The following SPEG variants were observed in gnomAD, a reference collection of about 807,000 sequenced individuals.
SPEG encodes the protein striated muscle enriched protein kinase, also known as striated muscle preferentially expressed protein kinase.
Under a neutral mutation model 300.4 loss-of-function variants are expected in SPEG, and 114 were observed. The ratio of observed to expected loss-of-function variants is 0.38; its 90% CI spans 0.33 to 0.44. The LOEUF (loss-of-function observed/expected upper bound fraction) is 0.44, where lower values mean the gene tolerates loss of function less well. Ranked by LOEUF, SPEG falls within the 20% of genes least tolerant of loss-of-function variation. The probability of loss-of-function intolerance (pLI) is 1.00; values close to 1 mark genes in which losing one functional copy is unlikely to be tolerated. For synonymous variants in SPEG, 1,964 were observed against 2,018.9 expected, an observed-to-expected ratio of 0.97 and a Z score of 0.73; for missense variants, 4,201 against 4,586.2, an observed-to-expected ratio of 0.92 and a Z score of 2.43.
In SPEG at chr2:219,435,120, C is replaced by T; in HGVS notation, c.143C>T (p.Pro48Leu). The T allele has an allele frequency of 3.4e-6, 5 of 1,457,216 alleles. No individual in the cohort carries two copies. Among genetic ancestry groups the T allele is most frequent in the Non-Finnish European group, 4.5e-6 (5 of 1,115,526 alleles). 90.3% of individuals were successfully genotyped at this position (1,457,216 alleles called of 1,614,324 possible). ...AVAGAPVFLR[P>L]LKNAAVCAGS... ...GCCGGGGCGCCAGTCTTCCTGCGGCCCCTGAAGAACGCGGCGGTGTGCGCG... is the reference window on the plus strand; with the variant it reads ...GCCGGGGCGCCAGTCTTCCTGCGGCTCCTGAAGAACGCGGCGGTGTGCGCG... Residue 48 changes from proline (P) to leucine (L), a missense_variant, in exon 1 of 41, where the codon CCC becomes CTC. By Grantham distance (98) the Pro-to-Leu change is moderately conservative. Around this residue, in one of 4 missense-constraint regions of SPEG, gnomAD observed 1,258 missense variants for 1,293.9 expected, o/e 0.97. Coordinates refer to ENST00000312358, the MANE Select transcript of SPEG (RefSeq NM_005876.5).
At position 219,484,530 on chromosome 2, in the gene SPEG, G is replaced by T. The variant is rs1471661094; in HGVS notation, c.7067G>T (p.Arg2356Leu). ...SLGLRLLSRS[R>L]SEERGPFRGA... ...GGGCTGCGGCTGCTGAGCCGTTCGC[G>T]CTCGGAGGAGCGCGGCCCCTTCCGT... The change falls in exon 30 of 41, where the codon CGC (arginine) becomes CTC (leucine). Residue 2356 changes from arginine to leucine, a missense_variant. Around this residue, in one of 4 missense-constraint regions of SPEG, gnomAD observed 1,578 missense variants for 1,506.0 expected, o/e 1.05. Coordinates refer to ENST00000312358, the MANE Select transcript of SPEG (RefSeq NM_005876.5). The T allele has an allele frequency of 6.3e-7, 1 of 1,597,422 alleles. No homozygotes were observed. The highest frequency in any genetic ancestry group is 1.7e-5 in the Admixed American group (1 of 58,032).
chr2:219,438,857 G>T (rs1954785193), intron 1 of SPEG, among the ~76,000 whole-genome samples: 1 of 152,182 alleles, frequency 6.6e-6, no homozygotes, highest in Admixed American at 6.5e-5. Context: ...AGGGAGAGAG[G>T]GCCAACTTAG....
Position 219,451,693 on chromosome 2 carries a change from C to A in SPEG, c.2326C>A (p.Arg776=). 2 of 1,577,814 alleles carry A rather than the reference C, an allele frequency of 1.3e-6. No individual in the cohort carries two copies. Among genetic ancestry groups the A allele is most frequent in the East Asian group, 2.3e-5 (1 of 43,134 alleles). The part of the protein sequence containing the change: ...GRLLLRAEGE[R]HTLLLREARA... ...CCTCCTCCTCCGGGCTGAGGGTGAGCGGCACACCCTGCTGCTCAGGGAGGC... is the reference window on the plus strand; with the variant it reads ...CCTCCTCCTCCGGGCTGAGGGTGAGAGGCACACCCTGCTGCTCAGGGAGGC... Residue 776 remains arginine (R), a synonymous_variant, in exon 6 of 41, where the codon CGG becomes AGG. Transcript: ENST00000312358. This position sits in a 1 kb window ranked among gnomAD's most constrained non-coding sequence, Gnocchi z 6.4.
chr2:219,464,456 GC>G lies in SPEG; in HGVS notation c.2732del (p.Pro911GlnfsTer140). 3.1e-6 allele frequency: 5 copies of G among 1,612,238 alleles called. No individual in the cohort carries two copies. The highest frequency in any genetic ancestry group is 4.2e-6 in the Non-Finnish European group (5 of 1,179,878). On this transcript the variant is annotated frameshift_variant, in exon 9 of 41. Coordinates refer to ENST00000312358, the MANE Select transcript of SPEG (RefSeq NM_005876.5). LOFTEE classifies it high-confidence loss of function. The surrounding 1 kb of genome is among the most constrained non-coding windows in gnomAD (Gnocchi z 4.5). ...VSWLRNRQPV[R>X]PDQRRFAEEA... ...AGGCTGAGAAACCGCCAGCCCGTGC[GC>G]CCAGACCAGCGGCGCTTTGCGGAGG...
chr2:219,458,677 A>G lies in SPEG; in HGVS notation c.2441-3205A>G, dbSNP rs1032016178. On this transcript the variant is annotated intron_variant, in intron 6 of 40. Transcript: ENST00000312358. The surrounding 1 kb of genome is among the most constrained non-coding windows in gnomAD (Gnocchi z 4.2). ...GCTCTGCTCTGAGGTTGAATGGCCC[A>G]GTGAAGGGGGCTTAGTGATACCACC... Among the ~76,000 whole-genome samples, 1 of 152,204 alleles carries G rather than the reference A, an allele frequency of 6.6e-6. No individual in the cohort carries two copies. The highest frequency in any genetic ancestry group is 2.4e-5 in the African/African-American group (1 of 41,452).
intron 38 of SPEG, among the ~76,000 whole-genome samples, chr2:219,491,197 T>A (rs1160991308): frequency 2.6e-5 from 4 of 152,184 alleles, no homozygotes; most frequent in African/African-American, 9.7e-5. Flanking sequence ...AATCAGACAA[T>A]TATAAATGCT....
chr2:219,477,351 C>G lies in SPEG; in HGVS notation c.4635C>G (p.Leu1545=). ...YEENECSLVV[L]STGAQDGGVY... ...AGAATGAGTGCTCCCTGGTGGTGCTCAGCACGGGGGCCCAGGATGGAGGCG... is the reference window on the plus strand; with the variant it reads ...AGAATGAGTGCTCCCTGGTGGTGCTGAGCACGGGGGCCCAGGATGGAGGCG... Residue 1545 remains leucine (L), a synonymous_variant, in exon 20 of 41, where the codon CTC becomes CTG. Coordinates refer to ENST00000312358, the MANE Select transcript of SPEG (RefSeq NM_005876.5). This position sits in a 1 kb window ranked among gnomAD's most constrained non-coding sequence, Gnocchi z 6.4. 6.2e-7 allele frequency: 1 copy of G among 1,613,474 alleles called. No individual in the cohort carries two copies. The highest frequency in any genetic ancestry group is 8.5e-7 in the Non-Finnish European group (1 of 1,179,800).
rs781357397 is a variant in SPEG, at chr2:219,451,836, G to C, written c.2440+29G>C. 17 of 1,500,888 alleles carry C rather than the reference G, an allele frequency of 1.1e-5. 1 individual carries two copies. In the South Asian group the frequency reaches 2.1e-4, roughly 18 times the overall value. The allele number at this position is 1,500,888 out of a possible 1,614,324, so 93.0% of individuals were successfully genotyped here. ...GGGAGCCCATCAACCCTGGGGCTGG[G>C]TGGGGGCAAGCCGTGACTCTCCCCT... On this transcript the variant is annotated intron_variant, in intron 6 of 40. Coordinates refer to ENST00000312358, the MANE Select transcript of SPEG (RefSeq NM_005876.5). The surrounding 1 kb of genome is among the most constrained non-coding windows in gnomAD (Gnocchi z 6.4).
chr2:219,448,780 C>G lies in SPEG; in HGVS notation c.1622C>G (p.Thr541Ser). 1 of 1,424,538 alleles carries G rather than the reference C, an allele frequency of 7.0e-7. No homozygotes were observed. Among genetic ancestry groups the G allele is most frequent in the Non-Finnish European group, 9.1e-7 (1 of 1,096,726 alleles). The allele number at this position is 1,424,538 out of a possible 1,614,324, so 88.2% of individuals were successfully genotyped here. ...CCCCCGCTCTTCTCTCGGCCCTCCA[C>G]CCCCAAGACATCGCGGGCCGTGAGC... ...GEPPLFSRPS[T>S]PKTSRAVSPA... The change falls in exon 4 of 41, where the codon ACC (threonine) becomes AGC (serine). Residue 541 changes from threonine to serine, a missense_variant. Transcript: ENST00000312358.
Position 219,443,988 on chromosome 2 carries a change from G to GTCT in SPEG, c.389-664_389-662dup. ...CTGCCCCACAAACGCTCTGATAACA[G>GTCT]TCTGTCCCTGTCTCTCTCCTGCTGC... On this transcript the variant is annotated intron_variant, in intron 1 of 40. Transcript: ENST00000312358. This position sits in a 1 kb window ranked among gnomAD's most constrained non-coding sequence, Gnocchi z 4.6. 7.4e-7 allele frequency: 1 copy of GTCT among 1,359,852 alleles called. No homozygotes were observed. The highest frequency in any genetic ancestry group is 9.8e-7 in the Non-Finnish European group (1 of 1,018,538). 84.2% of individuals were successfully genotyped at this position (1,359,852 alleles called of 1,614,324 possible).
chr2:219,488,992 G>A, intron 34 of SPEG, 62 bp from the exon 35 acceptor site: 2 of 1,606,304 alleles, frequency 1.2e-6, no homozygotes, highest in Non-Finnish European at 8.5e-7. Flanking sequence ...TCCACAGATA[G>A]CACCGTGGGA....
intron 18 of SPEG, among the ~76,000 whole-genome samples, chr2:219,475,875 A>G (rs1266628574): frequency 3.9e-5 from 6 of 151,924 alleles, no homozygotes; most frequent in African/African-American, 1.5e-4. Context: ...CTCCACGTCA[A>G]CCTCACTGCA....
intron 4 of SPEG, among the ~76,000 whole-genome samples, chr2:219,450,101 C>T (rs1330218220): frequency 6.6e-6 from 1 of 152,212 alleles, no homozygotes; most frequent in Non-Finnish European, 1.5e-5. Flanking sequence ...ACTTACCATA[C>T]TGTATTTTTC....
chr2:219,483,083 G>C lies in SPEG; in HGVS notation c.5635-15G>C. On this transcript the variant is annotated splice_polypyrimidine_tract_variant and intron_variant, in intron 29 of 40. Transcript: ENST00000312358. ...CAGGGGTCCCTCAGGTCTGACTCCAGTACCCTGTCTCCAGCGCTCCCAGAT... is the reference window on the plus strand; with the variant it reads ...CAGGGGTCCCTCAGGTCTGACTCCACTACCCTGTCTCCAGCGCTCCCAGAT... 4 of 1,600,532 alleles carry C rather than the reference G, an allele frequency of 2.5e-6. No homozygotes were observed. The highest frequency in any genetic ancestry group is 3.4e-6 in the Non-Finnish European group (4 of 1,176,586).
At chr2:219,438,093 G>T (rs932340293) in intron 1 of SPEG, among the ~76,000 whole-genome samples, 1 of 152,114 alleles carries the variant, frequency 6.6e-6, no homozygotes, top group African/African-American at 2.4e-5. Flanking sequence ...AGGCAAGTGG[G>T]CTACAGCCTG....
rs746569803 is a variant in SPEG at position 219,492,794 on chromosome 2, GACC to G, written c.*11_*13del. ...TACCCTGGCGGCCCCTAGAGGCACG[GACC>G]ACAGCCAGGCCTCGGGCTTCAACTG... On this transcript the variant is annotated 3_prime_UTR_variant, in exon 41 of 41. Transcript: ENST00000312358. 3.2e-6 allele frequency: 5 copies of G among 1,576,670 alleles called. No individual in the cohort carries two copies. In the East Asian group the frequency reaches 1.1e-4, roughly 36 times the overall value.
Position 219,462,017 on chromosome 2 carries a change from G to A in SPEG, c.2576G>A (p.Arg859His), listed in dbSNP as rs745526359. ...AAGCCCAGTCCCAGCCAGAACCGCC[G>A]TTCTTCTGACACTGGCTCCAAGGCA... is the stretch of plus-strand genomic sequence containing the variant. Reference protein sequence around the residue: ...TMKPSPSQNRRSSDTGSKAPP... With the variant: ...TMKPSPSQNRHSSDTGSKAPP... The change falls in exon 7 of 41, where the codon CGT becomes CAT. Residue 859 changes from arginine (R) to histidine (H), a missense_variant. By Grantham distance (29) the Arg-to-His change is conservative (BLOSUM62 0). This residue lies in a region of SPEG where 1,258 missense variants were observed against 1,293.9 expected (regional missense o/e 0.97). Coordinates refer to ENST00000312358, the MANE Select transcript of SPEG (RefSeq NM_005876.5). The A allele has an allele frequency of 7.4e-6, 12 of 1,611,854 alleles. No homozygotes were observed. The highest frequency in any genetic ancestry group is 2.2e-5 in the South Asian group (2 of 90,754).
chr2:219,477,224 C>G lies in SPEG; in HGVS notation c.4561-53C>G. On this transcript the variant is annotated intron_variant, in intron 19 of 40. Transcript: ENST00000312358. This position sits in a 1 kb window ranked among gnomAD's most constrained non-coding sequence, Gnocchi z 6.4. Reference sequence around the variant, plus strand: ...CAGAGTAGGAGATGAGGCCCTGGCCCCAAGGTAGAGATGAGGCCAGGCCCA... The same window carrying G: ...CAGAGTAGGAGATGAGGCCCTGGCCGCAAGGTAGAGATGAGGCCAGGCCCA... 3.8e-6 allele frequency: 2 copies of G among 524,794 alleles called. No individual in the cohort carries two copies. The highest frequency in any genetic ancestry group is 4.9e-5 in the South Asian group (2 of 40,932). 32.5% of individuals were successfully genotyped at this position (524,794 alleles called of 1,614,324 possible). A position where few individuals can be genotyped will look rare whatever the true frequency, so the allele number is the denominator to read the frequency against.
At chr2:219,457,133 G>A (rs548890296) in intron 6 of SPEG, among the ~76,000 whole-genome samples, 1 of 152,066 alleles carries the variant, frequency 6.6e-6, no homozygotes, top group Non-Finnish European at 1.5e-5. Context: ...TGACTTTTCC[G>A]CAGTGGGGTT....
Sources: gnomAD v4.1 joint callset for allele counts (sites outside exome capture counted in the v4.1 genomes callset) on GRCh38, gnomAD v4.1.1 for gene constraint, gnomAD v4.1.1 regional missense constraint, Gnocchi (gnomAD v3.1) non-coding constraint, MANE v1.5 for transcripts, NCBI Gene and HGNC (gene_info 2026-07-23, HGNC 2026-07-21) for gene names.